PDS5A: variants seen among roughly 807,000 people sequenced by gnomAD.
PDS5A encodes sister chromatid cohesion protein PDS5 homolog A.
PDS5A carries 42 observed loss-of-function variants against 167.1 expected under a neutral mutation model. The observed-to-expected ratio is 0.25, with a 90% CI of 0.20 to 0.33. PDS5A has a LOEUF of 0.33. PDS5A is among the 10% of genes least tolerant of loss of function. PDS5A has a pLI of 1.00. For synonymous variants in PDS5A, 553 were observed against 554.6 expected (o/e 1.00, Z 0.04); for missense variants, 1,033 against 1,605.9 (o/e 0.64, Z 6.10).
intron 28 of PDS5A, chr4:39,848,095 A>ATC (rs1020356681): frequency 2.0e-5 from 3 of 152,244 alleles, no homozygotes; most frequent in African/African-American, 7.2e-5. Flanking sequence ...TCCTGAAACC[A>ATC]TCTCTCCACC....
intron 2 of PDS5A, among the ~76,000 whole-genome samples, chr4:39,950,559 C>T (rs1204000275): frequency 2.6e-5 from 4 of 152,150 alleles, no homozygotes; most frequent in African/African-American, 7.2e-5. Context: ...ATGGTGAAAC[C>T]CCATCTCTAC....
intron 2 of PDS5A, among the ~76,000 whole-genome samples, chr4:39,958,241 TCA>T (rs987985663): frequency 1.3e-5 from 2 of 151,978 alleles, no homozygotes; most frequent in Non-Finnish European, 2.9e-5. Flanking sequence ...GCATGGTGGT[TCA>T]CACCTGTAAT....
intron 29 of PDS5A, 51 bp from the exon 30 acceptor site, chr4:39,844,852 C>T (rs1475396664): frequency 2.6e-6 from 4 of 1,521,436 alleles, no homozygotes; most frequent in Non-Finnish European, 3.5e-6. Context: ...TTATACCTTA[C>T]CATGTATACA....
In PDS5A at chr4:39,849,741, G is replaced by A. The variant is rs1054578779; in HGVS notation, c.3087-89C>T. On this transcript the variant is annotated intron_variant, in intron 26 of 32. Transcript: ENST00000303538. ...TGTTAGCTGGGAATTTCTGTTGTCT[G>A]AATAAAATAAAATAAAATGATCAAC... 6 of 762,058 alleles carry A rather than the reference G, an allele frequency of 7.9e-6. No individual in the cohort carries two copies. In the African/African-American group the frequency reaches 8.7e-5, roughly 11 times the overall value. 47.2% of individuals were successfully genotyped at this position (762,058 alleles called of 1,614,324 possible).
chr4:39,871,643 G>A (rs1275313839), intron 21 of PDS5A, among the ~76,000 whole-genome samples: 2 of 152,204 alleles, frequency 1.3e-5, no homozygotes, highest in African/African-American at 4.8e-5. Flanking sequence ...GCATATCTGT[G>A]TCTTTATTCA....
intron 30 of PDS5A, among the ~76,000 whole-genome samples, chr4:39,842,694 T>C (rs1717133805): frequency 6.6e-6 from 1 of 151,720 alleles, no homozygotes; most frequent in African/African-American, 2.4e-5. Context: ...TTACCCTGAT[T>C]TGATCACTAT....
intron 19 of PDS5A, among the ~76,000 whole-genome samples, chr4:39,876,031 T>C (rs1474129613): frequency 6.6e-6 from 1 of 152,082 alleles, no homozygotes; most frequent in Non-Finnish European, 1.5e-5. Flanking sequence ...CCATTGGTCT[T>C]ATGAATAAGG....
chr4:39,900,325 A>G (rs1722769759), intron 14 of PDS5A, 101 bp downstream of exon 14: 2 of 701,156 alleles, frequency 2.9e-6, no homozygotes, highest in South Asian at 1.8e-5. Context: ...TTGGAAAATA[A>G]AACAACTGAG....
intron 2 of PDS5A, among the ~76,000 whole-genome samples, chr4:39,950,354 G>T (rs935585192): frequency 1.3e-5 from 2 of 151,948 alleles, no homozygotes; most frequent in Non-Finnish European, 2.9e-5. Flanking sequence ...TTGAACCCGG[G>T]AGGTGGAGAT....
At chr4:39,856,532 G>A (rs1718537335) in intron 26 of PDS5A, among the ~76,000 whole-genome samples, 1 of 152,178 alleles carries the variant, frequency 6.6e-6, no homozygotes, top group South Asian at 2.1e-4. Context: ...AAAGGAAAAT[G>A]CGGCTGGGTG....
At position 39,925,869 on chromosome 4, in the gene PDS5A, A is replaced by G; in HGVS notation, c.494T>C (p.Ile165Thr). 1 of 1,511,286 alleles carries G rather than the reference A, an allele frequency of 6.6e-7. No homozygotes were observed. The allele number at this position is 1,511,286 out of a possible 1,614,324, so 93.6% of individuals were successfully genotyped here. Residue 165 changes from isoleucine (I) to threonine (T), a missense_variant, in exon 5 of 33, where the codon ATT becomes ACT. This residue lies in a region of PDS5A where 388 missense variants were observed against 615.1 expected (regional missense o/e 0.63). Transcript: ENST00000303538. The part of the protein sequence containing the change: ...FELEDCNEIF[I>T]QLFRTLFSVI... ...TGAGAAGAGAGTTCTAAAAAGCTGA[A>G]TAAAAATTTCATTGCAATCTTCCAA...
At chr4:39,891,565 T>C (rs980619016) in intron 16 of PDS5A, among the ~76,000 whole-genome samples, 7 of 151,452 alleles carry the variant, frequency 4.6e-5, no homozygotes, top group African/African-American at 9.7e-5. Context: ...GGAGAATTGC[T>C]TGAACCTGGG....
intron 2 of PDS5A, among the ~76,000 whole-genome samples, chr4:39,938,839 G>A (rs892317887): frequency 2.0e-5 from 3 of 151,498 alleles, no homozygotes; most frequent in Non-Finnish European, 4.4e-5. Flanking sequence ...GCGTGGTGGC[G>A]CATGCCTGTA....
chr4:39,926,032 A>AT (rs1725425312), intron 4 of PDS5A, 99 bp from the exon 5 acceptor site: 3 of 362,276 alleles, frequency 8.3e-6, no homozygotes, highest in Non-Finnish European at 9.8e-6. Flanking sequence ...TTAGAAACAT[A>AT]TTAAAGTCTA....
Position 39,848,833 on chromosome 4 carries a change from T to C in PDS5A, c.3339+18A>G, listed in dbSNP as rs1438140473. The C allele has an allele frequency of 6.4e-7, 1 of 1,564,538 alleles. No homozygotes were observed. Among genetic ancestry groups the C allele is most frequent in the Non-Finnish European group, 8.7e-7 (1 of 1,151,474 alleles). On this transcript the variant is annotated intron_variant, in intron 28 of 32. Transcript: ENST00000303538. The stretch of plus-strand genomic sequence containing the variant: ...AATCAGTTTAGTGTGGTAGGAAAAA[T>C]GAGAGGAAGAAAATTACCTTTTCAG...
At position 39,976,448 on chromosome 4, in the gene PDS5A, G is replaced by A. The variant is rs759664267; in HGVS notation, c.130C>T (p.Arg44Cys). The change falls in exon 2 of 33, where the codon CGC becomes TGC. Residue 44 changes from arginine (R) to cysteine (C), a missense_variant. By Grantham distance (180) the Arg-to-Cys change is radical (BLOSUM62 -3). Transcript: ENST00000303538. ...TCCGTCCAGACACTTACCTTCAGGC[G>A]TTTGATCATCTCGTCCGTGGTGATC... ...DKITTDEMIKRLKMVVKTFMD... is the reference protein window; with the variant it reads ...DKITTDEMIKCLKMVVKTFMD... 6.2e-7 allele frequency: 1 copy of A among 1,612,432 alleles called. No homozygotes were observed. Among genetic ancestry groups the A allele is most frequent in the Admixed American group, 1.7e-5 (1 of 59,960 alleles).
intron 7 of PDS5A, among the ~76,000 whole-genome samples, chr4:39,919,207 C>G (rs1724685561): frequency 6.6e-6 from 1 of 150,424 alleles, no homozygotes; most frequent in African/African-American, 2.4e-5. Flanking sequence ...GTTAGATTCA[C>G]AAAGATGATT....
chr4:39,841,014 C>T (rs1716955858), intron 31 of PDS5A, among the ~76,000 whole-genome samples: 1 of 145,050 alleles, frequency 6.9e-6, no homozygotes, highest in Non-Finnish European at 1.5e-5. Flanking sequence ...TCTTTGCCTC[C>T]CAAAGTGCAC....
chr4:39,907,753 AT>A (rs1723520818), intron 11 of PDS5A, among the ~76,000 whole-genome samples: 1 of 151,810 alleles, frequency 6.6e-6, no homozygotes, highest in African/African-American at 2.4e-5. Context: ...TGCTCAGCTA[AT>A]TTTTTGTATT....
Sources: allele counts gnomAD v4.1 joint callset (sites outside exome capture counted in the v4.1 genomes callset), GRCh38; gene constraint gnomAD v4.1.1; regional missense constraint gnomAD v4.1.1; transcripts MANE v1.5; gene names NCBI Gene and HGNC (gene_info 2026-07-23, HGNC 2026-07-21).